Variants in SLC24A2 observed in about 807,000 individuals in gnomAD.
The protein encoded by SLC24A2 is solute carrier family 24 member 2, also known as sodium/potassium/calcium exchanger 2.
In SLC24A2, 36 loss-of-function variants were observed where a neutral mutation model predicts 62.0. That is an observed-to-expected ratio of 0.58 (90% confidence interval 0.44 to 0.77). The LOEUF (loss-of-function observed/expected upper bound fraction) is 0.77, where lower values mean the gene tolerates loss of function less well. Ranked by LOEUF, SLC24A2 falls within the 30% of genes least tolerant of loss-of-function variation. The pLI is 0.00. For missense variants in SLC24A2, 846 were observed against 817.9 expected, an observed-to-expected ratio of 1.03 and a Z score of -0.42; for synonymous variants, 358 against 294.0, an observed-to-expected ratio of 1.22 and a Z score of -2.23.
In SLC24A2 at chr9:19,520,758, G is replaced by A. The variant is rs117338540; in HGVS notation, c.1736+136C>T. 1.6e-3 allele frequency: 1,315 copies of A among 804,036 alleles called. 3 individuals carry two copies. Among genetic ancestry groups the A allele is most frequent in the Non-Finnish European group, 2.3e-3 (1,052 of 466,838 alleles). 49.8% of individuals were successfully genotyped at this position (804,036 alleles called of 1,614,324 possible). ...GAAATAGAATTGGGGAAATGCAATG[G>A]TATTCTCAATCTTTACTCTGTATTG... On this transcript the variant is annotated intron_variant, in intron 10 of 10. Coordinates refer to ENST00000341998, the MANE Select transcript of SLC24A2 (RefSeq NM_020344.4).
the SLC24A2 span, among the ~76,000 whole-genome samples, chr9:20,142,223 C>T: frequency 6.6e-6 from 1 of 152,134 alleles, no homozygotes; most frequent in African/African-American, 2.4e-5. Flanking sequence ...GGAAAGAATA[C>T]TTACCTGCTC....
chr9:20,261,363 C>T, the SLC24A2 span, among the ~76,000 whole-genome samples: 1 of 152,088 alleles, frequency 6.6e-6, no homozygotes, highest in Non-Finnish European at 1.5e-5. Context: ...CTAGTGAGGG[C>T]CTTCAGGCTG....
chr9:20,289,695 A>G, the SLC24A2 span, among the ~76,000 whole-genome samples: 895 of 152,276 alleles, frequency 5.9e-3, 8 homozygotes, highest in African/African-American at 0.021. Context: ...CTGGCACTCC[A>G]TGAACATTTC....
chr9:20,218,668 T>C, the SLC24A2 span, among the ~76,000 whole-genome samples: 1 of 152,214 alleles, frequency 6.6e-6, no homozygotes, highest in Admixed American at 6.5e-5. Context: ...AGTCATTTAT[T>C]CAAGTTCATA....
At chr9:19,740,799 G>C (rs764987777) in intron 2 of SLC24A2, among the ~76,000 whole-genome samples, 1 of 151,756 alleles carries the variant, frequency 6.6e-6, no homozygotes, top group Admixed American at 6.6e-5. Context: ...GCTGGGTTAC[G>C]GATACCTGGG....
At chr9:20,303,748 G>T in the SLC24A2 span, among the ~76,000 whole-genome samples, 3 of 152,148 alleles carry the variant, frequency 2.0e-5, no homozygotes, top group Non-Finnish European at 2.9e-5. Context: ...CACCAGAAGG[G>T]TTCATTTTAT....
intron 2 of SLC24A2, among the ~76,000 whole-genome samples, chr9:19,653,142 T>C (rs1387237854): frequency 6.6e-6 from 1 of 152,170 alleles, no homozygotes; most frequent in Non-Finnish European, 1.5e-5. Flanking sequence ...GTAAGCCTGT[T>C]TCCCTTGAGG....
At chr9:19,626,438 C>T (rs566161214) in intron 2 of SLC24A2, among the ~76,000 whole-genome samples, 22 of 152,032 alleles carry the variant, frequency 1.4e-4, no homozygotes, top group Non-Finnish European at 1.6e-4. Context: ...TGGTCAATGA[C>T]GTGGCATCAG....
intron 9 of SLC24A2, among the ~76,000 whole-genome samples, chr9:19,523,362 T>C (rs1395822471): frequency 1.3e-5 from 2 of 152,138 alleles, no homozygotes; most frequent in African/African-American, 4.8e-5. Flanking sequence ...ATGAGGATAA[T>C]ATCCACTCAG....
At chr9:20,147,064 T>C in the SLC24A2 span, among the ~76,000 whole-genome samples, 4 of 152,156 alleles carry the variant, frequency 2.6e-5, no homozygotes, top group African/African-American at 9.7e-5. Context: ...CTTTCCAAGT[T>C]TCAAGGATAA....
At chr9:19,685,813 A>C (rs1239299926) in intron 2 of SLC24A2, among the ~76,000 whole-genome samples, 1 of 152,148 alleles carries the variant, frequency 6.6e-6, no homozygotes, top group East Asian at 1.9e-4. Context: ...AAACTATAAA[A>C]ACTCTGGAAG....
intron 7 of SLC24A2, among the ~76,000 whole-genome samples, chr9:19,567,520 T>A (rs1325117105): frequency 1.6e-5 from 2 of 127,854 alleles, no homozygotes; most frequent in African/African-American, 6.4e-5. Flanking sequence ...CACTCCAGCC[T>A]GGGGACAGAG....
chr9:20,157,231 C>A, the SLC24A2 span, among the ~76,000 whole-genome samples: 567 of 151,484 alleles, frequency 3.7e-3, 3 homozygotes, highest in Admixed American at 7.5e-3. Flanking sequence ...TCAAATCTCC[C>A]TACAAACTGG....
chr9:20,187,399 C>A, the SLC24A2 span, among the ~76,000 whole-genome samples: 1 of 151,730 alleles, frequency 6.6e-6, no homozygotes, highest in Non-Finnish European at 1.5e-5. Flanking sequence ...TTTTCCTGAC[C>A]CCCCGTTGCT....
At chr9:20,200,411 C>CA in the SLC24A2 span, among the ~76,000 whole-genome samples, 3 of 152,188 alleles carry the variant, frequency 2.0e-5, no homozygotes, top group Non-Finnish European at 2.9e-5. Context: ...GCAGTAAAGC[C>CA]AGTAAAGCAG....
chr9:20,042,597 C>A, the SLC24A2 span, among the ~76,000 whole-genome samples: 1 of 152,202 alleles, frequency 6.6e-6, no homozygotes, highest in Non-Finnish European at 1.5e-5. Context: ...GGGACATGTT[C>A]ATTTATCCTT....
chr9:20,007,201 G>A, the SLC24A2 span, among the ~76,000 whole-genome samples: 5 of 152,152 alleles, frequency 3.3e-5, no homozygotes, highest in African/African-American at 9.6e-5. Context: ...AATTTTGACT[G>A]TTGAAAATCA....
At chr9:20,147,236 C>A in the SLC24A2 span, among the ~76,000 whole-genome samples, 218 of 152,214 alleles carry the variant, frequency 1.4e-3, 4 homozygotes, top group South Asian at 0.028. Flanking sequence ...AGATCCAGGG[C>A]AGCTCTCTCC....
chr9:19,736,344 T>G (rs1821509694), intron 2 of SLC24A2, among the ~76,000 whole-genome samples: 1 of 152,134 alleles, frequency 6.6e-6, no homozygotes, highest in Non-Finnish European at 1.5e-5. Flanking sequence ...TGCAAATTGA[T>G]TAAATCTAAT....
Sources: gnomAD v4.1 joint callset for allele counts (sites outside exome capture counted in the v4.1 genomes callset) on GRCh38, gnomAD v4.1.1 for gene constraint, MANE v1.5 for transcripts, NCBI Gene and HGNC (gene_info 2026-07-23, HGNC 2026-07-21) for gene names.